NINL: variants seen among roughly 807,000 people sequenced by gnomAD.
NINL encodes ninein like, also known as ninein-like protein.
NINL carries 153 observed loss-of-function variants against 160.3 expected under a neutral mutation model. The ratio of observed to expected loss-of-function variants is 0.95; its 90% CI spans 0.84 to 1.09. The LOEUF (loss-of-function observed/expected upper bound fraction) is 1.09. Ranked by LOEUF, NINL falls within the 50% of genes least tolerant of loss-of-function variation. The pLI is 0.00. For synonymous variants in NINL, 800 were observed against 734.8 expected (o/e 1.09, Z -1.43); for missense variants, 1,829 against 1,764.0 (o/e 1.04, Z -0.66).
At chr20:25,455,588 C>T (rs2090648924) in intron 23 of NINL, 85 bp downstream of exon 23, 8 of 919,350 alleles carry the variant, frequency 8.7e-6, no homozygotes. Context: ...CAGCCTTTTC[C>T]TGTATTAGCT....
chr20:25,465,613 C>A (rs1022936244), intron 19 of NINL, among the ~76,000 whole-genome samples: 2 of 152,234 alleles, frequency 1.3e-5, no homozygotes, highest in South Asian at 4.2e-4. Context: ...ATTAGGTCAC[C>A]CCAACTGTCC....
chr20:25,515,747 TA>T (rs149602551), intron 3 of NINL, among the ~76,000 whole-genome samples: 2,262 of 152,174 alleles, frequency 0.015, 50 homozygotes, highest in African/African-American at 0.052. Flanking sequence ...GAGATCTGGT[TA>T]TTTTTTTATT....
intron 15 of NINL, among the ~76,000 whole-genome samples, chr20:25,479,937 T>C (rs2063351850): frequency 6.6e-6 from 1 of 152,124 alleles, no homozygotes; most frequent in South Asian, 2.1e-4. Context: ...ATCACACCAT[T>C]CCCTCCCCAT....
chr20:25,555,082 T>C (rs2064851297), intron 1 of NINL, among the ~76,000 whole-genome samples: 1 of 152,178 alleles, frequency 6.6e-6, no homozygotes, highest in African/African-American at 2.4e-5. Flanking sequence ...CAAACAGCGT[T>C]TGGTTTCTGA....
chr20:25,581,017 C>T (rs2065168756), intron 1 of NINL, among the ~76,000 whole-genome samples: 1 of 152,256 alleles, frequency 6.6e-6, no homozygotes, highest in South Asian at 2.1e-4. Context: ...GACGCTATTA[C>T]CTGCAGCTAG....
chr20:25,467,465 A>C lies in NINL; in HGVS notation c.3354-7T>G. On this transcript the variant is annotated splice_polypyrimidine_tract_variant and splice_region_variant and intron_variant, in intron 18 of 23. Transcript: ENST00000278886. ...TAAAACCTCAATTTCCTTCCTGTTG[A>C]AGAAGCACAATTAACAGTGATACCA... 1 of 1,612,056 alleles carries C rather than the reference A, an allele frequency of 6.2e-7. No individual in the cohort carries two copies. The highest frequency in any genetic ancestry group is 1.1e-5 in the South Asian group (1 of 91,042).
chr20:25,575,439 T>C (rs1270075725), intron 1 of NINL, among the ~76,000 whole-genome samples: 8 of 77,058 alleles, frequency 1.0e-4, no homozygotes, highest in African/African-American at 2.1e-4. Context: ...AGAGCGAGAC[T>C]CCGTCTCAAA....
At chr20:25,543,587 C>G (rs1022117717) in intron 1 of NINL, among the ~76,000 whole-genome samples, 1 of 152,178 alleles carries the variant, frequency 6.6e-6, no homozygotes, top group Non-Finnish European at 1.5e-5. Context: ...CAGGCTACTC[C>G]CTTTGCAAAC....
intron 1 of NINL, among the ~76,000 whole-genome samples, chr20:25,546,866 T>TTTCC (rs2064739713): frequency 6.6e-6 from 1 of 151,666 alleles, no homozygotes; most frequent in Admixed American, 6.6e-5. Flanking sequence ...ACAGAATGTA[T>TTTCC]TTCCCTCTGT....
intron 1 of NINL, among the ~76,000 whole-genome samples, chr20:25,548,356 A>C (rs1195903909): frequency 6.6e-6 from 1 of 152,266 alleles, no homozygotes; most frequent in Middle Eastern, 3.4e-3. Flanking sequence ...ACTGAGCTCC[A>C]CAAGAGTCCT....
In NINL at chr20:25,570,694, CTTTTTT is replaced by C. The variant is rs57981279; in HGVS notation, c.-12+14755_-12+14760del. On this transcript the variant is annotated intron_variant, in intron 1 of 23. Transcript: ENST00000278886. ...ATGTCAGAGATCCTGGGCAAGTAGACTTTTTTTTTTTTTTTTTTTTTTTTGAGAAGG... is the reference window on the plus strand; with the variant it reads ...ATGTCAGAGATCCTGGGCAAGTAGACTTTTTTTTTTTTTTTTTTGAGAAGG... Among the ~76,000 whole-genome samples, 379 of 90,972 alleles carry C rather than the reference CTTTTTT, an allele frequency of 4.2e-3. 1 individual carries two copies. The highest frequency in any genetic ancestry group is 0.015 in the African/African-American group (345 of 22,382). The allele number at this position is 90,972 out of a possible 152,430, so 59.7% of individuals were successfully genotyped here.
intron 1 of NINL, among the ~76,000 whole-genome samples, chr20:25,570,459 G>C (rs1568972572): frequency 6.6e-6 from 1 of 151,962 alleles, no homozygotes; most frequent in African/African-American, 2.4e-5. Context: ...CACTGTGTGA[G>C]CCACCTCACT....
chr20:25,455,792 A>G lies in NINL; in HGVS notation c.3844-6T>C, dbSNP rs2146270436. The G allele has an allele frequency of 6.2e-7, 1 of 1,613,356 alleles. No homozygotes were observed. Among genetic ancestry groups the G allele is most frequent in the Non-Finnish European group, 8.5e-7 (1 of 1,179,306 alleles). On this transcript the variant is annotated splice_polypyrimidine_tract_variant and splice_region_variant and intron_variant, in intron 22 of 23. Transcript: ENST00000278886. ...AGCTGTTTCTCATGTTCTTCCTGCCATAAAAGAAGGTTGCAGGTGGCCGGG... is the reference window on the plus strand; with the variant it reads ...AGCTGTTTCTCATGTTCTTCCTGCCGTAAAAGAAGGTTGCAGGTGGCCGGG...
chr20:25,503,924 G>C, intron 7 of NINL, 28 bp downstream of exon 7: 2 of 1,613,822 alleles, frequency 1.2e-6, no homozygotes, highest in Non-Finnish European at 1.7e-6. Context: ...GTGGTTGCTG[G>C]GTTCAGGATT....
chr20:25,557,047 T>G (rs746652305), intron 1 of NINL, among the ~76,000 whole-genome samples: 1 of 152,184 alleles, frequency 6.6e-6, no homozygotes, highest in Admixed American at 6.5e-5. Context: ...TTGGGTGTGA[T>G]GAAACTGCAT....
At chr20:25,502,366 C>T (rs1201189709) in intron 7 of NINL, among the ~76,000 whole-genome samples, 3 of 152,218 alleles carry the variant, frequency 2.0e-5, no homozygotes, top group Non-Finnish European at 2.9e-5. Context: ...TACAACACCA[C>T]TCACCAAATT....
rs143542228 is a variant in NINL at position 25,511,965 on chromosome 20, C to A, written c.450+869G>T. Among the ~76,000 whole-genome samples the A allele has an allele frequency of 3.9e-4, 59 of 152,292 alleles. No individual in the cohort carries two copies. The East Asian group carries it at 0.01, about 26-fold the overall frequency. On this transcript the variant is annotated intron_variant, in intron 4 of 23. Transcript: ENST00000278886. ...AGCACAGAGAGCAGGAACCAGGAAC[C>A]TTTTGGAATCCTTGAAAATGGTTCG...
chr20:25,478,847 T>G (rs1210408477), intron 16 of NINL, 76 bp downstream of exon 16: 2 of 1,469,926 alleles, frequency 1.4e-6, no homozygotes, highest in East Asian at 2.3e-5. Flanking sequence ...TCTGAGTTGT[T>G]TCCTAAGTCT....
intron 17 of NINL, among the ~76,000 whole-genome samples, chr20:25,473,552 G>A (rs1231408729): frequency 4.0e-5 from 6 of 149,062 alleles, no homozygotes; most frequent in African/African-American, 7.4e-5. Flanking sequence ...CAGGCCTGGT[G>A]GCTCAGGCCT....
Sources: gnomAD v4.1 joint callset for allele counts (sites outside exome capture counted in the v4.1 genomes callset) on GRCh38, gnomAD v4.1.1 for gene constraint, MANE v1.5 for transcripts, NCBI Gene and HGNC (gene_info 2026-07-23, HGNC 2026-07-21) for gene names.